NUP62CL: variants seen among roughly 807,000 people sequenced by gnomAD.
The protein encoded by NUP62CL is nucleoporin-62 C-terminal-like protein.
A neutral mutation model predicts 15.3 loss-of-function variants in NUP62CL; 13 were observed. The observed-to-expected ratio is 0.85, with a 90% CI of 0.55 to 1.35. NUP62CL has a LOEUF of 1.35. Among genes scored for constraint, NUP62CL ranks in the 40% most tolerant of loss-of-function variants. NUP62CL has a pLI of 0.00. For synonymous variants in NUP62CL, 54 were observed against 49.2 expected, an observed-to-expected ratio of 1.10 and a Z score of -0.41; for missense variants, 123 against 130.6, an observed-to-expected ratio of 0.94 and a Z score of 0.28.
chrX:107,140,376 G>A (rs1243213568), intron 8 of NUP62CL, among the ~76,000 whole-genome samples: 4 of 111,400 alleles, frequency 3.6e-5, no homozygotes, highest in Admixed American at 2.9e-4. Context: ...AGGCAGAGGT[G>A]CCATTAATAT....
intron 2 of NUP62CL, among the ~76,000 whole-genome samples, chrX:107,189,689 A>T (rs1927159286): frequency 9.3e-6 from 1 of 107,016 alleles, no homozygotes; most frequent in Non-Finnish European, 1.9e-5. Flanking sequence ...CAGGAGGCTG[A>T]GGTGGAAGAA....
At chrX:107,178,637 G>T (rs1201775452) in intron 2 of NUP62CL, among the ~76,000 whole-genome samples, 2 of 111,835 alleles carry the variant, frequency 1.8e-5, no homozygotes, top group Non-Finnish European at 3.8e-5. Flanking sequence ...ATTATTGCCT[G>T]CATTCAACTG....
chrX:107,199,618 T>C (rs1927434334), intron 1 of NUP62CL, among the ~76,000 whole-genome samples: 1 of 112,224 alleles, frequency 8.9e-6, no homozygotes, highest in Admixed American at 9.4e-5. Flanking sequence ...CTAAACCGCC[T>C]AGTTATTGAC....
intron 4 of NUP62CL, among the ~76,000 whole-genome samples, chrX:107,155,156 G>C (rs1926145159): frequency 8.9e-6 from 1 of 112,078 alleles, no homozygotes. Context: ...CACTGGCAAA[G>C]CCAAGACTAA....
chrX:107,134,978 C>T (rs1925605629), intron 8 of NUP62CL, among the ~76,000 whole-genome samples: 1 of 111,786 alleles, frequency 8.9e-6, no homozygotes, highest in African/African-American at 3.3e-5. Flanking sequence ...CAGGTTCAAG[C>T]GATTATCATG....
chrX:107,205,776 AC>A (rs1375494749), intron 1 of NUP62CL, among the ~76,000 whole-genome samples: 1 of 110,831 alleles, frequency 9.0e-6, no homozygotes, highest in Non-Finnish European at 1.9e-5. Flanking sequence ...ACTTAAGACA[AC>A]CAGATTCCCT....
chrX:107,157,822 A>T, intron 4 of NUP62CL, among the ~76,000 whole-genome samples: 1 of 111,529 alleles, frequency 9.0e-6, no homozygotes, highest in East Asian at 2.8e-4. Flanking sequence ...CAATTAAAAG[A>T]CACAGACTGG....
intron 7 of NUP62CL, among the ~76,000 whole-genome samples, chrX:107,152,326 G>A (rs1926065191): frequency 9.4e-6 from 1 of 105,950 alleles, no homozygotes; most frequent in South Asian, 4.2e-4. Flanking sequence ...TGCATAGAAA[G>A]CAATACAAAG....
intron 7 of NUP62CL, among the ~76,000 whole-genome samples, chrX:107,152,267 A>T (rs992432769): frequency 2.9e-4 from 30 of 102,640 alleles, no homozygotes; most frequent in Non-Finnish European, 4.9e-4. Context: ...TACAGTTAGG[A>T]TCTTATGGCC....
intron 3 of NUP62CL, among the ~76,000 whole-genome samples, chrX:107,170,253 A>G (rs1218203213): frequency 9.0e-6 from 1 of 111,300 alleles, no homozygotes; most frequent in East Asian, 2.8e-4. Flanking sequence ...TTATAAAACA[A>G]ATTTAATGTA....
At chrX:107,200,181 C>A (rs1321606809) in intron 1 of NUP62CL, among the ~76,000 whole-genome samples, 1 of 112,005 alleles carries the variant, frequency 8.9e-6, no homozygotes, top group Non-Finnish European at 1.9e-5. Flanking sequence ...GATTATCTTT[C>A]ACATTAAGTT....
At chrX:107,185,913 A>C (rs917444609) in intron 2 of NUP62CL, among the ~76,000 whole-genome samples, 3 of 111,657 alleles carry the variant, frequency 2.7e-5, no homozygotes, top group Admixed American at 9.5e-5. Context: ...AACAAAAGGG[A>C]GTAGGGAGTA....
intron 1 of NUP62CL, among the ~76,000 whole-genome samples, chrX:107,205,972 AGAG>A (rs1927670928): frequency 1.8e-5 from 2 of 110,553 alleles, no homozygotes; most frequent in African/African-American, 6.6e-5. Context: ...CCTTGCCTAC[AGAG>A]GAGAATAAAA....
intron 4 of NUP62CL, among the ~76,000 whole-genome samples, chrX:107,157,610 A>C (rs1277443728): frequency 2.6e-4 from 28 of 108,565 alleles, no homozygotes; most frequent in African/African-American, 6.0e-4. Context: ...GCCTGCCCTA[A>C]AAGAGCTCCT....
At chrX:107,127,760 GA>G (rs953006943) in intron 8 of NUP62CL, among the ~76,000 whole-genome samples, 2 of 108,453 alleles carry the variant, frequency 1.8e-5, no homozygotes, top group African/African-American at 6.9e-5. Flanking sequence ...ATTTCTCCCA[GA>G]AAAAAATTGA....
intron 8 of NUP62CL, chrX:107,132,118 T>C: frequency 8.5e-7 from 1 of 1,176,375 alleles, no homozygotes. Context: ...ATCTTTGGAA[T>C]TGGAAGAGGA....
chrX:107,163,516 A>C (rs1173834556), intron 4 of NUP62CL, among the ~76,000 whole-genome samples: 1 of 112,135 alleles, frequency 8.9e-6, no homozygotes, highest in East Asian at 2.8e-4. Flanking sequence ...GTGAATAGTT[A>C]CCTTAAATAT....
intron 2 of NUP62CL, among the ~76,000 whole-genome samples, chrX:107,186,654 G>A (rs918947547): frequency 2.7e-5 from 3 of 111,440 alleles, no homozygotes; most frequent in East Asian, 5.6e-4. Context: ...ATCCTAGCAC[G>A]TTGGGAGCTG....
At chrX:107,135,281 A>G (rs1184326555) in intron 8 of NUP62CL, among the ~76,000 whole-genome samples, 4 of 111,478 alleles carry the variant, frequency 3.6e-5, no homozygotes, top group Non-Finnish European at 5.7e-5. Flanking sequence ...GAGTGATGGG[A>G]AAAAAAAGAA....
Sources: allele counts gnomAD v4.1 joint callset (sites outside exome capture counted in the v4.1 genomes callset), GRCh38; gene constraint gnomAD v4.1.1; transcripts MANE v1.5; gene names NCBI Gene and HGNC (gene_info 2026-07-23, HGNC 2026-07-21).